The following CHLSN variants were observed in gnomAD, a reference collection of about 807,000 sequenced individuals.
CHLSN encodes the protein protein cholesin.
At chr7:1,093,411 T>C in the CHLSN span, 6 of 457,454 alleles carry the variant, frequency 1.3e-5, no homozygotes, top group Non-Finnish European at 2.8e-5. Context: ...AACATGCTGC[T>C]CTGGTGCACG....
chr7:1,070,492 C>G, the CHLSN span, among the ~76,000 whole-genome samples: 1 of 150,452 alleles, frequency 6.6e-6, no homozygotes, highest in African/African-American at 2.4e-5. Context: ...CACGGGCACA[C>G]GAATGCACGC....
the CHLSN span, chr7:1,028,555 C>G: frequency 1.0e-6 from 1 of 985,114 alleles, no homozygotes; most frequent in South Asian, 4.7e-5. Context: ...TCTCTGGCCG[C>G]CCGGGTCTCC....
chr7:1,095,819 C>A, the CHLSN span, among the ~76,000 whole-genome samples: 1 of 152,250 alleles, frequency 6.6e-6, no homozygotes, highest in Non-Finnish European at 1.5e-5. Context: ...CAACCCCTGG[C>A]GTCTAACTGG....
the CHLSN span, among the ~76,000 whole-genome samples, chr7:1,133,165 G>A: frequency 3.3e-5 from 5 of 152,074 alleles, no homozygotes; most frequent in Non-Finnish European, 7.4e-5. Flanking sequence ...ACTGTGCCGG[G>A]CAGGAGAAGC....
chr7:1,070,262 G>GC, the CHLSN span, among the ~76,000 whole-genome samples: 77 of 140,328 alleles, frequency 5.5e-4, no homozygotes, highest in African/African-American at 6.5e-4. Flanking sequence ...GAGGTGGGGG[G>GC]GGTCAGCCCC....
At chr7:1,101,435 C>T in the CHLSN span, among the ~76,000 whole-genome samples, 24 of 152,104 alleles carry the variant, frequency 1.6e-4, no homozygotes, top group Non-Finnish European at 3.4e-4. Context: ...GGACCAGGGG[C>T]TGGCTCTGTA....
chr7:1,130,643 T>G, the CHLSN span, among the ~76,000 whole-genome samples: 1 of 143,766 alleles, frequency 7.0e-6, no homozygotes, highest in Non-Finnish European at 1.5e-5. Flanking sequence ...CCGCCCCCAC[T>G]GGGTGCAGCC....
the CHLSN span, among the ~76,000 whole-genome samples, chr7:984,740 G>T: frequency 6.6e-6 from 1 of 152,354 alleles, no homozygotes; most frequent in East Asian, 1.9e-4. Flanking sequence ...TGTCCACACA[G>T]CAGGTCAGGT....
the CHLSN span, among the ~76,000 whole-genome samples, chr7:1,028,083 G>A: frequency 6.6e-6 from 1 of 151,794 alleles, no homozygotes; most frequent in African/African-American, 2.4e-5. Flanking sequence ...GGAGCCCCGA[G>A]AAGCGCGGCT....
At chr7:1,032,221 C>T in the CHLSN span, among the ~76,000 whole-genome samples, 20 of 152,344 alleles carry the variant, frequency 1.3e-4, 1 homozygote, top group African/African-American at 4.8e-4. Flanking sequence ...ACACGTCCCT[C>T]GCACTCGGCC....
chr7:1,104,976 G>T, the CHLSN span, among the ~76,000 whole-genome samples: 1 of 152,192 alleles, frequency 6.6e-6, no homozygotes, highest in Non-Finnish European at 1.5e-5. Context: ...TAAGTTCAGA[G>T]GCTTCCTTTG....
chr7:1,058,162 A>G, the CHLSN span: 15 of 738,680 alleles, frequency 2.0e-5, no homozygotes, highest in Admixed American at 2.8e-4. Flanking sequence ...GTCCGCAGGG[A>G]GGACACGCCC....
At chr7:1,036,189 A>G in the CHLSN span, among the ~76,000 whole-genome samples, 2 of 152,202 alleles carry the variant, frequency 1.3e-5, no homozygotes, top group Non-Finnish European at 2.9e-5. Context: ...CAGTGGATGC[A>G]CAGTGGATAT....
chr7:1,004,073 C>T, the CHLSN span, among the ~76,000 whole-genome samples: 4 of 151,994 alleles, frequency 2.6e-5, no homozygotes, highest in Non-Finnish European at 5.9e-5. Flanking sequence ...CTAGGTGACA[C>T]GCCAGCCCCA....
At chr7:1,065,497 G>C in the CHLSN span, among the ~76,000 whole-genome samples, 8 of 152,232 alleles carry the variant, frequency 5.3e-5, no homozygotes, top group African/African-American at 1.7e-4. Flanking sequence ...TGGACCCACC[G>C]GGGACAGGCG....
the CHLSN span, chr7:1,109,327 C>T: frequency 3.9e-5 from 6 of 152,166 alleles, no homozygotes; most frequent in African/African-American, 1.2e-4. Flanking sequence ...TTTTAAAATA[C>T]CTTAATCCAA....
the CHLSN span, among the ~76,000 whole-genome samples, chr7:1,009,671 C>T: frequency 2.0e-5 from 3 of 152,364 alleles, no homozygotes; most frequent in South Asian, 4.1e-4. Flanking sequence ...TGGTGACGTA[C>T]ACCTGGGGCA....
At chr7:1,023,624 AACACACACACACACACACACACAC>A in the CHLSN span, among the ~76,000 whole-genome samples, 40 of 122,384 alleles carry the variant, frequency 3.3e-4, no homozygotes, top group African/African-American at 6.6e-4. The surrounding 1 kb of genome is among the most constrained non-coding windows in gnomAD (Gnocchi z 5.0). Context: ...CCTCCCAGGA[AACACACACACACACACACACACAC>A]ACACACACAC....
the CHLSN span, among the ~76,000 whole-genome samples, chr7:1,016,852 G>C: frequency 6.7e-5 from 6 of 89,864 alleles, no homozygotes; most frequent in Non-Finnish European, 9.3e-5. Flanking sequence ...CCAGCACACA[G>C]CAGCACACAG....
Sources: gnomAD v4.1 joint callset for allele counts (sites outside exome capture counted in the v4.1 genomes callset) on GRCh38, gnomAD v4.1.1 for gene constraint, Gnocchi (gnomAD v3.1) non-coding constraint, MANE v1.5 for transcripts, NCBI Gene and HGNC (gene_info 2026-07-23, HGNC 2026-07-21) for gene names.